RAI2: variants seen among roughly 807,000 people sequenced by gnomAD.
RAI2 encodes the protein retinoic acid-induced protein 2.
RAI2 carries 5 observed loss-of-function variants against 15.3 expected under a neutral mutation model. That is an observed-to-expected ratio of 0.33 (90% CI 0.17 to 0.69). RAI2 has a LOEUF of 0.69. Ranked by LOEUF, RAI2 falls within the 30% of genes least tolerant of loss-of-function variation. The pLI is 0.69. For synonymous variants in RAI2, 191 were observed against 184.0 expected, an observed-to-expected ratio of 1.04 and a Z score of -0.31; for missense variants, 424 against 424.7, an observed-to-expected ratio of 1.00 and a Z score of 0.01.
chrX:17,841,089 T>C lies in RAI2; in HGVS notation c.-25+20009A>G, dbSNP rs191494902. 3.7e-4 allele frequency among the ~76,000 whole-genome samples: 41 copies of C among 111,425 alleles called. 1 individual carries two copies. The East Asian group carries it at 0.011, about 30-fold the overall frequency. ...TCTAGAAGTTCAGAAGCTTTTTTTT[T>C]TATTATTTTTTTGCTGAACTTTTAG... On this transcript the variant is annotated intron_variant, in intron 1 of 1. Coordinates refer to ENST00000451717, the MANE Select transcript of RAI2 (RefSeq NM_021785.6).
At chrX:17,836,947 A>T (rs1210497226) in intron 1 of RAI2, among the ~76,000 whole-genome samples, 4 of 112,206 alleles carry the variant, frequency 3.6e-5, no homozygotes, top group Non-Finnish European at 7.5e-5. Context: ...GACTGCCATG[A>T]GCAACTGGGG....
chrX:17,858,558 C>G (rs940759267), intron 1 of RAI2, among the ~76,000 whole-genome samples: 18 of 112,303 alleles, frequency 1.6e-4, no homozygotes, highest in African/African-American at 5.2e-4. Flanking sequence ...GGAGGCCAGT[C>G]CTATCCTCAG....
rs1247996639 is a variant in RAI2 at position 17,800,320 on chromosome X, A to C, written c.*98T>G. The C allele has an allele frequency of 9.4e-7, 1 of 1,066,703 alleles. No individual in the cohort carries two copies. The highest frequency in any genetic ancestry group is 3.1e-5 in the East Asian group (1 of 32,574). 87.9% of individuals were successfully genotyped at this position (1,066,703 alleles called of 1,213,427 possible). A position where few individuals can be genotyped will look rare whatever the true frequency, so the allele number is the denominator to read the frequency against. Reference sequence around the variant, plus strand: ...CCTTTCCATTTCCCAACTACTCCCCAAAATAATTAACAAAGATAATTTGTT... The same window carrying C: ...CCTTTCCATTTCCCAACTACTCCCCCAAATAATTAACAAAGATAATTTGTT... On this transcript the variant is annotated 3_prime_UTR_variant, in exon 2 of 2. Transcript: ENST00000451717.
chrX:17,836,263 G>A (rs1453235175), intron 1 of RAI2, among the ~76,000 whole-genome samples: 2 of 111,760 alleles, frequency 1.8e-5, no homozygotes, highest in African/African-American at 3.2e-5. Flanking sequence ...CTTCACTTAC[G>A]ATAGGGTTAT....
intron 1 of RAI2, among the ~76,000 whole-genome samples, chrX:17,818,045 T>TG (rs1019830595): frequency 8.9e-6 from 1 of 112,036 alleles, no homozygotes; most frequent in African/African-American, 3.3e-5. Context: ...ACTGACACCA[T>TG]GGGGGCTCTT....
chrX:17,845,270 C>T (rs921284014), intron 1 of RAI2, among the ~76,000 whole-genome samples: 1 of 112,546 alleles, frequency 8.9e-6, no homozygotes, highest in East Asian at 2.8e-4. Flanking sequence ...TGGCCATGGC[C>T]GAGGAATCTT....
At position 17,857,421 on chromosome X, in the gene RAI2, T is replaced by C. The variant is rs752295649; in HGVS notation, c.-25+3677A>G. On this transcript the variant is annotated intron_variant, in intron 1 of 1. Coordinates refer to ENST00000451717, the MANE Select transcript of RAI2 (RefSeq NM_021785.6). ...TTGCATAGCAAGTTCCCTCCTCATT[T>C]TCCTATAGAGTGTTTGTTTATTTGA... 1.2e-4 allele frequency among the ~76,000 whole-genome samples: 13 copies of C among 111,983 alleles called. No individual in the cohort carries two copies. The East Asian group carries it at 2.5e-3, about 22-fold the overall frequency.
chrX:17,857,275 T>C (rs1345824097), intron 1 of RAI2, among the ~76,000 whole-genome samples: 1 of 111,512 alleles, frequency 9.0e-6, no homozygotes, highest in African/African-American at 3.3e-5. Flanking sequence ...GGAGGCAGCA[T>C]TGAGGAGCTC....
chrX:17,848,985 C>T (rs2067496042), intron 1 of RAI2, among the ~76,000 whole-genome samples: 1 of 112,447 alleles, frequency 8.9e-6, no homozygotes, highest in South Asian at 3.7e-4. Flanking sequence ...GTGACCAAAT[C>T]TAACAGTCGC....
intron 1 of RAI2, among the ~76,000 whole-genome samples, chrX:17,803,314 T>C (rs747684893): frequency 1.8e-5 from 2 of 110,406 alleles, no homozygotes; most frequent in Non-Finnish European, 3.8e-5. Context: ...TCATTTGAGG[T>C]CAGGAGTTCG....
intron 1 of RAI2, among the ~76,000 whole-genome samples, chrX:17,838,420 T>C (rs184922290): frequency 2.7e-5 from 3 of 111,863 alleles, no homozygotes; most frequent in Non-Finnish European, 5.6e-5. Context: ...TAGAGAATAC[T>C]GTCTCTCTCT....
intron 1 of RAI2, among the ~76,000 whole-genome samples, chrX:17,851,742 G>A (rs1404815434): frequency 9.0e-6 from 1 of 111,666 alleles, no homozygotes; most frequent in Non-Finnish European, 1.9e-5. Flanking sequence ...CTCTTCCGGA[G>A]TCTCGAAAGA....
intron 1 of RAI2, among the ~76,000 whole-genome samples, chrX:17,850,252 C>T (rs376466624): frequency 3.7e-4 from 42 of 112,219 alleles, no homozygotes; most frequent in African/African-American, 1.3e-3. Flanking sequence ...GCCTGTGGAA[C>T]GGCAGCTGGG....
chrX:17,851,631 T>C (rs1027224779), intron 1 of RAI2, among the ~76,000 whole-genome samples: 10 of 111,225 alleles, frequency 9.0e-5, no homozygotes, highest in African/African-American at 3.3e-4. Context: ...ACCATTGTAA[T>C]CTGAAAAAAA....
chrX:17,851,739 G>A (rs974641254), intron 1 of RAI2, among the ~76,000 whole-genome samples: 5 of 111,489 alleles, frequency 4.5e-5, no homozygotes, highest in Admixed American at 9.5e-5. Flanking sequence ...ACACTCTTCC[G>A]GAGTCTCGAA....
intron 1 of RAI2, among the ~76,000 whole-genome samples, chrX:17,839,823 C>A (rs2067377348): frequency 8.9e-6 from 1 of 112,410 alleles, no homozygotes; most frequent in Admixed American, 9.4e-5. Flanking sequence ...CCAGTCCTTG[C>A]AAAGGAGGAC....
intron 1 of RAI2, among the ~76,000 whole-genome samples, chrX:17,832,309 A>C (rs1194980044): frequency 9.0e-6 from 1 of 111,563 alleles, no homozygotes; most frequent in African/African-American, 3.3e-5. Flanking sequence ...GAAGGTTTAA[A>C]CAACTGATCT....
In RAI2 at chrX:17,817,406, G is replaced by A. The variant is rs1390173754; in HGVS notation, c.-24-15372C>T. 1.1e-4 allele frequency among the ~76,000 whole-genome samples: 12 copies of A among 112,323 alleles called. No individual in the cohort carries two copies. The East Asian group carries it at 3.1e-3, about 29-fold the overall frequency. On this transcript the variant is annotated intron_variant, in intron 1 of 1. Transcript: ENST00000451717. ...TGCAGTAAATTCACTGAACACCCTT[G>A]GCTGCTCTTCCTGACTTGAATCAGT...
At chrX:17,847,265 TC>T (rs1270180578) in intron 1 of RAI2, among the ~76,000 whole-genome samples, 1 of 112,257 alleles carries the variant, frequency 8.9e-6, no homozygotes, top group Non-Finnish European at 1.9e-5. Flanking sequence ...CTTCGGTTCT[TC>T]CTTGCCTCTC....
Sources: gnomAD v4.1 joint callset for allele counts (sites outside exome capture counted in the v4.1 genomes callset) on GRCh38, gnomAD v4.1.1 for gene constraint, MANE v1.5 for transcripts, NCBI Gene and HGNC (gene_info 2026-07-23, HGNC 2026-07-21) for gene names.